Variants in SCAF4 observed in about 807,000 individuals in gnomAD.
SCAF4 encodes the protein SR-related and CTD-associated factor 4.
Under a neutral mutation model 129.8 loss-of-function variants are expected in SCAF4, and 25 were observed. That is an observed-to-expected ratio of 0.19 (90% confidence interval 0.14 to 0.27). The LOEUF is 0.27. Ranked by LOEUF, SCAF4 falls within the 10% of genes least tolerant of loss-of-function variation. The probability of loss-of-function intolerance (pLI) is 1.00; values close to 1 mark genes in which losing one functional copy is unlikely to be tolerated. For synonymous variants in SCAF4, 551 were observed against 497.7 expected, an observed-to-expected ratio of 1.11 and a Z score of -1.43; for missense variants, 1,246 against 1,457.1, an observed-to-expected ratio of 0.86 and a Z score of 2.36.
chr21:31,685,276 A>G (rs1568829575), intron 18 of SCAF4, 36 bp from the exon 19 acceptor site: 2 of 1,520,662 alleles, frequency 1.3e-6, no homozygotes, highest in South Asian at 1.1e-5. Context: ...GTGAAGCTGA[A>G]TAATTAATTA....
At chr21:31,719,643 T>C (rs1052023623) in intron 1 of SCAF4, among the ~76,000 whole-genome samples, 8 of 152,046 alleles carry the variant, frequency 5.3e-5, no homozygotes, top group Admixed American at 2.6e-4. Flanking sequence ...TAGCTGGGAT[T>C]ACAGGCATGT....
intron 15 of SCAF4, among the ~76,000 whole-genome samples, chr21:31,689,977 C>T (rs1246426481): frequency 6.6e-6 from 1 of 151,926 alleles, no homozygotes; most frequent in Non-Finnish European, 1.5e-5. Flanking sequence ...TACTGCCATG[C>T]CATCCTATGC....
chr21:31,731,834 G>C lies in SCAF4; in HGVS notation c.-142C>G. The C allele has an allele frequency of 1.0e-6, 1 of 961,608 alleles. No individual in the cohort carries two copies. Among genetic ancestry groups the C allele is most frequent in the Non-Finnish European group, 1.4e-6 (1 of 703,690 alleles). The allele number at this position is 961,608 out of a possible 1,614,324, so 59.6% of individuals were successfully genotyped here. A position where few individuals can be genotyped will look rare whatever the true frequency, so the allele number is the denominator to read the frequency against. ...GGAGTCCGAGGCCCGGGCAGGAAGA[G>C]GCTGCGCCCGAAGCGGCGAGGCGGG... is the stretch of plus-strand genomic sequence containing the variant. On this transcript the variant is annotated 5_prime_UTR_variant, in exon 1 of 20. Coordinates refer to ENST00000286835, the MANE Select transcript of SCAF4 (RefSeq NM_020706.2).
intron 1 of SCAF4, among the ~76,000 whole-genome samples, chr21:31,716,007 A>G (rs2050912372): frequency 6.6e-6 from 1 of 152,180 alleles, no homozygotes; most frequent in African/African-American, 2.4e-5. Flanking sequence ...AAACTGGCAG[A>G]CAAAAGTAAA....
chr21:31,724,337 T>C (rs186124052), intron 1 of SCAF4, among the ~76,000 whole-genome samples: 14 of 152,326 alleles, frequency 9.2e-5, no homozygotes, highest in African/African-American at 3.4e-4. Context: ...ATATTTTCTG[T>C]GGTTTGACAG....
intron 15 of SCAF4, among the ~76,000 whole-genome samples, chr21:31,688,986 T>C (rs554390618): frequency 2.6e-5 from 4 of 152,320 alleles, no homozygotes; most frequent in African/African-American, 9.6e-5. Context: ...AAAACAAAAC[T>C]GTCTTTCTGC....
At chr21:31,728,482 C>G (rs148632472) in intron 1 of SCAF4, among the ~76,000 whole-genome samples, 1 of 152,160 alleles carries the variant, frequency 6.6e-6, no homozygotes, top group Non-Finnish European at 1.5e-5. Flanking sequence ...ATATTATCTT[C>G]GGACACAATT....
chr21:31,684,372 T>A (rs924759111), intron 19 of SCAF4: 4 of 152,280 alleles, frequency 2.6e-5, no homozygotes, highest in African/African-American at 9.6e-5. Context: ...ATTCATAACT[T>A]AAGCAGGCAA....
intron 19 of SCAF4, among the ~76,000 whole-genome samples, chr21:31,672,682 AAC>A (rs1303949056): frequency 2.0e-5 from 3 of 152,246 alleles, no homozygotes; most frequent in Non-Finnish European, 2.9e-5. Flanking sequence ...ACATTTGAGA[AAC>A]ACAGTGTGCT....
intron 1 of SCAF4, among the ~76,000 whole-genome samples, chr21:31,713,621 C>G (rs2050856107): frequency 6.6e-6 from 1 of 151,806 alleles, no homozygotes; most frequent in Non-Finnish European, 1.5e-5. Flanking sequence ...GGACAACAGC[C>G]CAGGGAAAAA....
chr21:31,731,518 C>A, intron 1 of SCAF4, 145 bp downstream of exon 1: 3 of 948,564 alleles, frequency 3.2e-6, no homozygotes, highest in Non-Finnish European at 4.6e-6. Context: ...GGCCACAGGC[C>A]CCGCTCCGCG....
intron 9 of SCAF4, 109 bp from the exon 10 acceptor site, chr21:31,695,089 T>C: frequency 1.2e-6 from 1 of 833,110 alleles, no homozygotes; most frequent in Non-Finnish European, 1.9e-6. Context: ...AAGGAAAAGT[T>C]ACAACGACAT....
chr21:31,685,093 G>C lies in SCAF4; in HGVS notation c.2444C>G (p.Thr815Arg), dbSNP rs145531704. The C allele has an allele frequency of 1.4e-5, 23 of 1,612,876 alleles. No homozygotes were observed. Among genetic ancestry groups the C allele is most frequent in the Non-Finnish European group, 1.9e-5 (22 of 1,179,792 alleles). ...YGSAVPPAAPTNLPTPPVTQP... is the reference protein window; with the variant it reads ...YGSAVPPAAPRNLPTPPVTQP... ...GGTTACAGGAGGGGTGGGCAGATTC[G>C]TGGGTGCAGCAGGTGGCACGGCAGA... The change falls in exon 19 of 20, where the codon ACG (threonine) becomes AGG (arginine). Residue 815 changes from threonine (T) to arginine (R), a missense_variant. Around this residue, in one of 6 missense-constraint regions of SCAF4, gnomAD observed 468 missense variants for 605.5 expected, o/e 0.77. Coordinates refer to ENST00000286835, the MANE Select transcript of SCAF4 (RefSeq NM_020706.2).
intron 19 of SCAF4, among the ~76,000 whole-genome samples, chr21:31,678,800 TG>T (rs1254920342): frequency 6.6e-6 from 1 of 152,214 alleles, no homozygotes; most frequent in African/African-American, 2.4e-5. Context: ...TATTTAAAAT[TG>T]TACATATCCG....
intron 1 of SCAF4, among the ~76,000 whole-genome samples, chr21:31,712,275 T>C (rs2050818237): frequency 6.7e-6 from 1 of 149,120 alleles, no homozygotes; most frequent in African/African-American, 2.5e-5. Context: ...TGGAGTGCAG[T>C]GGTGGGATCT....
chr21:31,710,431 C>T lies in SCAF4; in HGVS notation c.31-4074G>A, dbSNP rs573209055. Among the ~76,000 whole-genome samples, 5 of 152,236 alleles carry T rather than the reference C, an allele frequency of 3.3e-5. No homozygotes were observed. The South Asian group carries it at 8.3e-4, about 25-fold the overall frequency. ...GGGTGTGGTGGCATGTGCCTGTAGT[C>T]CCAGCTACTTGGGAGGCTGAGGCAT... On this transcript the variant is annotated intron_variant, in intron 1 of 19. Transcript: ENST00000286835.
At chr21:31,715,861 C>A (rs1349869890) in intron 1 of SCAF4, among the ~76,000 whole-genome samples, 1 of 152,198 alleles carries the variant, frequency 6.6e-6, no homozygotes, top group East Asian at 1.9e-4. Flanking sequence ...ATAATGCAAT[C>A]ATATACAATA....
At chr21:31,680,834 T>C in intron 19 of SCAF4, among the ~76,000 whole-genome samples, 1 of 152,316 alleles carries the variant, frequency 6.6e-6, no homozygotes, top group East Asian at 1.9e-4. Flanking sequence ...AATCCAAACT[T>C]AAGTGAAATC....
chr21:31,696,198 T>A lies in SCAF4; in HGVS notation c.983A>T (p.Gln328Leu). 6.2e-7 allele frequency: 1 copy of A among 1,613,914 alleles called. No homozygotes were observed. The highest frequency in any genetic ancestry group is 1.1e-5 in the South Asian group (1 of 91,064). ...APFGFPGDGM[Q>L]QPAYTQHQNM... The stretch of plus-strand genomic sequence containing the variant: ...TTGATGCTGTGTGTATGCTGGCTGC[T>A]GCATGCCATCTCCAGGAAAGCCACT... Residue 328 changes from glutamine to leucine, a missense_variant, in exon 9 of 20, where the codon CAG becomes CTG. Transcript: ENST00000286835.
Sources: allele counts gnomAD v4.1 joint callset (sites outside exome capture counted in the v4.1 genomes callset), GRCh38; gene constraint gnomAD v4.1.1; regional missense constraint gnomAD v4.1.1; transcripts MANE v1.5; gene names NCBI Gene and HGNC (gene_info 2026-07-23, HGNC 2026-07-21).